Variants in OR9Q1 observed in about 807,000 individuals in gnomAD.
OR9Q1 encodes olfactory receptor 9Q1.
For synonymous variants in OR9Q1, 153 were observed against 148.6 expected, an observed-to-expected ratio of 1.03 and a Z score of -0.22; for missense variants, 374 against 378.8, an observed-to-expected ratio of 0.99 and a Z score of 0.11.
intron 2 of OR9Q1, among the ~76,000 whole-genome samples, chr11:58,093,335 T>C (rs1431808286): frequency 6.6e-6 from 1 of 152,118 alleles, no homozygotes; most frequent in Non-Finnish European, 1.5e-5. Context: ...AAATACCAAA[T>C]AATTCCATTA....
At chr11:58,066,013 G>A (rs2514200) in intron 2 of OR9Q1, among the ~76,000 whole-genome samples, 101,238 of 151,446 alleles carry the variant, frequency 0.67, 34,265 homozygotes, top group Middle Eastern at 0.79. Context: ...TCCTGGCCAA[G>A]GGTCTCCCTG....
At position 58,122,242 on chromosome 11, in the gene OR9Q1, G is replaced by C. The variant is rs1854040616; in HGVS notation, c.-14-57189G>C. ...CTCTAATCAGGGTCCTAGTGGGAGA[G>C]AGACATTGACAGATCACGTCAAACA... On this transcript the variant is annotated intron_variant, in intron 2 of 2. Coordinates refer to ENST00000335397, the MANE Select transcript of OR9Q1 (RefSeq NM_001005212.4). 2.0e-5 allele frequency among the ~76,000 whole-genome samples: 3 copies of C among 152,168 alleles called. No homozygotes were observed. The South Asian group carries it at 6.2e-4, about 32-fold the overall frequency.
At chr11:58,165,610 T>C (rs1042479076) in intron 2 of OR9Q1, among the ~76,000 whole-genome samples, 3 of 152,186 alleles carry the variant, frequency 2.0e-5, no homozygotes, top group African/African-American at 7.2e-5. Flanking sequence ...AAGGTTTCAA[T>C]AGGGCAGGAT....
rs1256229186 is a variant in OR9Q1, at chr11:58,180,302, C to T, written c.858C>T (p.Pro286=). ...LYTEVIPMLN[P]LIYSLRNKEV... is the part of the protein sequence containing the mutation. ...CAGAGGTCATCCCCATGTTGAATCCCCTCATCTACAGCCTGAGGAACAAGG... is the reference window on the plus strand; with the variant it reads ...CAGAGGTCATCCCCATGTTGAATCCTCTCATCTACAGCCTGAGGAACAAGG... The change falls in exon 3 of 3, where the codon CCC becomes CCT. Residue 286 remains proline, a synonymous_variant. Coordinates refer to ENST00000335397, the MANE Select transcript of OR9Q1 (RefSeq NM_001005212.4). 1.1e-5 allele frequency: 18 copies of T among 1,613,532 alleles called. No homozygotes were observed. The highest frequency in any genetic ancestry group is 1.5e-5 in the Non-Finnish European group (18 of 1,179,600).
At chr11:58,035,045 A>T (rs1261948165) in intron 1 of OR9Q1, among the ~76,000 whole-genome samples, 3 of 151,746 alleles carry the variant, frequency 2.0e-5, no homozygotes, top group Non-Finnish European at 4.4e-5. Flanking sequence ...TTCCAGGCTG[A>T]TCTCAAACTC....
chr11:58,174,892 G>A (rs1401046289), intron 2 of OR9Q1, among the ~76,000 whole-genome samples: 1 of 151,314 alleles, frequency 6.6e-6, no homozygotes, highest in African/African-American at 2.4e-5. Context: ...GATTACTTGA[G>A]CCCAGGAGTT....
chr11:58,151,531 T>C (rs188933570), intron 2 of OR9Q1, among the ~76,000 whole-genome samples: 93 of 152,318 alleles, frequency 6.1e-4, no homozygotes, highest in Non-Finnish European at 3.5e-4. Context: ...TCAGTATGAC[T>C]CTTGTTTCAT....
intron 2 of OR9Q1, among the ~76,000 whole-genome samples, chr11:58,175,062 C>T (rs1026219483): frequency 3.8e-5 from 5 of 133,144 alleles, no homozygotes; most frequent in South Asian, 2.5e-4. Context: ...CCTGAAATCA[C>T]GCGACTGCAC....
chr11:58,075,092 A>AT (rs923896528), intron 2 of OR9Q1, among the ~76,000 whole-genome samples: 3 of 151,974 alleles, frequency 2.0e-5, no homozygotes, highest in African/African-American at 7.3e-5. Flanking sequence ...TCTACGGGAT[A>AT]TTTTTTGCTT....
intron 2 of OR9Q1, chr11:58,075,492 G>A (rs537592561): frequency 6.6e-6 from 1 of 152,376 alleles, no homozygotes; most frequent in African/African-American, 2.4e-5. Context: ...ATGGTGTTAG[G>A]AGGTGGAAAT....
At chr11:58,036,600 C>G (rs928722162) in intron 1 of OR9Q1, among the ~76,000 whole-genome samples, 2 of 152,174 alleles carry the variant, frequency 1.3e-5, no homozygotes, top group Non-Finnish European at 2.9e-5. Flanking sequence ...ACTCATGACT[C>G]ATGGGAGGAG....
intron 2 of OR9Q1, among the ~76,000 whole-genome samples, chr11:58,160,572 G>T (rs1424846089): frequency 2.0e-5 from 3 of 152,072 alleles, no homozygotes; most frequent in Non-Finnish European, 4.4e-5. Flanking sequence ...CCATTCTCTT[G>T]TCTCAGCCTC....
At chr11:58,110,288 G>A (rs1210167177) in intron 2 of OR9Q1, among the ~76,000 whole-genome samples, 1 of 152,112 alleles carries the variant, frequency 6.6e-6, no homozygotes, top group Non-Finnish European at 1.5e-5. Context: ...TAGTGGTAAT[G>A]CCCACTTTTA....
intron 1 of OR9Q1, chr11:58,041,356 A>G (rs1853160427): frequency 6.6e-6 from 1 of 152,422 alleles, no homozygotes. Context: ...CATGAAGGTG[A>G]CCCCAAAATC....
At chr11:58,173,936 C>A (rs773432264) in intron 2 of OR9Q1, among the ~76,000 whole-genome samples, 3 of 152,126 alleles carry the variant, frequency 2.0e-5, no homozygotes, top group Non-Finnish European at 2.9e-5. Flanking sequence ...ATCATAAGAT[C>A]CTAGACTTTG....
At chr11:58,109,887 A>G (rs371325323) in intron 2 of OR9Q1, among the ~76,000 whole-genome samples, 27 of 152,222 alleles carry the variant, frequency 1.8e-4, no homozygotes, top group African/African-American at 6.0e-4. Context: ...TTTTTCTTCA[A>G]ATTCACTTGC....
intron 2 of OR9Q1, among the ~76,000 whole-genome samples, chr11:58,102,531 T>A (rs1263206848): frequency 6.6e-6 from 1 of 151,248 alleles, no homozygotes; most frequent in Non-Finnish European, 1.5e-5. Context: ...GCAAAGCTTT[T>A]CTGGGTATAG....
rs185049980 is a variant in OR9Q1 at position 58,068,878 on chromosome 11, G to T, written c.-15+12931G>T. Among the ~76,000 whole-genome samples, 25 of 152,186 alleles carry T rather than the reference G, an allele frequency of 1.6e-4. 1 individual carries two copies. The highest frequency in any genetic ancestry group is 1.2e-3 in the Admixed American group (18 of 15,286). ...TGGCCTGAAGGGAGCACCAGGGAGC[G>T]GGAAAAGTGCAGCGCTGGAGATTCG... On this transcript the variant is annotated intron_variant, in intron 2 of 2. Transcript: ENST00000335397.
At chr11:58,084,129 TTC>T (rs2120049142) in intron 2 of OR9Q1, among the ~76,000 whole-genome samples, 1 of 152,018 alleles carries the variant, frequency 6.6e-6, no homozygotes, top group African/African-American at 2.4e-5. Flanking sequence ...CATCTATAAT[TTC>T]TTTCAGGAGT....
Sources: gnomAD v4.1 joint callset for allele counts (sites outside exome capture counted in the v4.1 genomes callset) on GRCh38, gnomAD v4.1.1 for gene constraint, MANE v1.5 for transcripts, NCBI Gene and HGNC (gene_info 2026-07-23, HGNC 2026-07-21) for gene names.